ZNF623: variants seen among roughly 807,000 people sequenced by gnomAD.
The protein encoded by ZNF623 is zinc finger protein 623.
Under a neutral mutation model 24.0 loss-of-function variants are expected in ZNF623, and 16 were observed. The observed-to-expected ratio is 0.67, with a 90% CI of 0.45 to 1.01. ZNF623 has a LOEUF of 1.01. Among genes scored for constraint, ZNF623 ranks in the 50% least tolerant of loss-of-function variants. ZNF623 has a pLI of 0.00. For missense variants in ZNF623, 566 were observed against 606.5 expected, an observed-to-expected ratio of 0.93 and a Z score of 0.70; for synonymous variants, 224 against 219.8, an observed-to-expected ratio of 1.02 and a Z score of -0.17.
Position 143,649,932 on chromosome 8 carries a change from T to C in ZNF623, c.-61T>C, listed in dbSNP as rs771876873. ...TAGGAACTGGTGAGAAGAAGGTGAC[T>C]GAAGCCTGGATTTCTGAGGATGAAA... On this transcript the variant is annotated 5_prime_UTR_variant, in exon 2 of 2. Transcript: ENST00000526926. 1 of 1,613,496 alleles carries C rather than the reference T, an allele frequency of 6.2e-7. No homozygotes were observed. The highest frequency in any genetic ancestry group is 1.7e-5 in the Admixed American group (1 of 59,994).
In ZNF623 at chr8:143,650,164, A is replaced by G. The variant is rs137936747; in HGVS notation, c.172A>G (p.Thr58Ala). Residue 58 changes from threonine (T) to alanine (A), a missense_variant, in exon 2 of 2, where the codon ACC (threonine) becomes GCC (alanine). Around this residue, in one of 3 missense-constraint regions of ZNF623, gnomAD observed 313 missense variants for 300.4 expected, o/e 1.04. Transcript: ENST00000526926. The surrounding 1 kb of genome is among the most constrained non-coding windows in gnomAD (Gnocchi z 5.2). The stretch of plus-strand genomic sequence containing the variant: ...GACAGGAGAGACAGCTCAAGTGTGC[A>G]CCAAGTCAGGAAGAAACCATATTCT... ...IQTGETAQVC[T>A]KSGRNHILNS... The G allele has an allele frequency of 1.2e-5, 20 of 1,614,118 alleles. No homozygotes were observed. In the African/African-American group the frequency reaches 2.3e-4, roughly 18 times the overall value.
Position 143,652,130 on chromosome 8 carries a change from T to A in ZNF623, c.*647T>A, listed in dbSNP as rs926020947. ...CTCTTCTCAGCTAATTAACTCTGAA[T>A]CATGGTTCAAGACAAGCCTCAGGCA... On this transcript the variant is annotated 3_prime_UTR_variant, in exon 2 of 2. Transcript: ENST00000526926. 2 of 167,268 alleles carry A rather than the reference T, an allele frequency of 1.2e-5. No individual in the cohort carries two copies. Among genetic ancestry groups the A allele is most frequent in the African/African-American group, 4.8e-5 (2 of 41,458 alleles). The allele number at this position is 167,268 out of a possible 1,614,324, so 10.4% of individuals were successfully genotyped here. A position where few individuals can be genotyped will look rare whatever the true frequency, so the allele number is the denominator to read the frequency against.
In ZNF623 at chr8:143,651,480, A is replaced by G. The variant is rs771189835; in HGVS notation, c.1488A>G (p.Leu496=). The G allele has an allele frequency of 1.7e-5, 27 of 1,551,770 alleles. No homozygotes were observed. The highest frequency in any genetic ancestry group is 2.1e-5 in the Non-Finnish European group (24 of 1,154,906). ...SVDKGEHTGN[L] is the part of the protein sequence containing the mutation. ...ATAAGGGGGAACACACAGGTAACTT[A>G]TAAAATAATTACTTTCCCGCCCAGT... Residue 496 remains leucine (L), a synonymous_variant, in exon 2 of 2, where the codon TTA becomes TTG. Coordinates refer to ENST00000526926, the MANE Select transcript of ZNF623 (RefSeq NM_001261843.2).
intron 1 of ZNF623, 91 bp downstream of exon 1, chr8:143,636,236 C>T (rs533524405): frequency 1.4e-4 from 22 of 152,212 alleles, no homozygotes; most frequent in South Asian, 6.2e-4. Context: ...GGGCACAGTC[C>T]GCCGAGAGGG....
rs558121048 is a variant in ZNF623 at position 143,647,286 on chromosome 8, A to T, written c.-95-2612A>T. On this transcript the variant is annotated intron_variant, in intron 1 of 1. Transcript: ENST00000526926. ...GGCCATTCTCCTGCTTCAGCCTCCC[A>T]AGTAGCTGGGACTACAGGCGCCTGC... Among the ~76,000 whole-genome samples the T allele has an allele frequency of 7.6e-4, 115 of 152,192 alleles. 1 individual carries two copies. Among genetic ancestry groups the T allele is most frequent in the African/African-American group, 2.6e-3 (108 of 41,534 alleles).
chr8:143,652,591 C>T lies in ZNF623; in HGVS notation c.*1108C>T, dbSNP rs1413673027. 1.8e-5 allele frequency: 3 copies of T among 167,100 alleles called. No individual in the cohort carries two copies. The highest frequency in any genetic ancestry group is 4.4e-5 in the Non-Finnish European group (3 of 68,134). 10.4% of individuals were successfully genotyped at this position (167,100 alleles called of 1,614,324 possible). A position where few individuals can be genotyped will look rare whatever the true frequency, so the allele number is the denominator to read the frequency against. On this transcript the variant is annotated 3_prime_UTR_variant, in exon 2 of 2. Transcript: ENST00000526926. ...TGCACATCCACGCCCTCCTGTGTGC[C>T]ACCTTACAGCTCATGCAGAACTGTC...
chr8:143,641,050 G>A (rs1475081819), intron 1 of ZNF623, among the ~76,000 whole-genome samples: 3 of 150,166 alleles, frequency 2.0e-5, no homozygotes, highest in Non-Finnish European at 4.4e-5. Flanking sequence ...TCTAAATCTA[G>A]CTCTCTTGCT....
At chr8:143,636,390 G>C (rs1000451187) in intron 1 of ZNF623, 1 of 152,340 alleles carries the variant, frequency 6.6e-6, no homozygotes, top group African/African-American at 2.4e-5. Flanking sequence ...GCCCGAGCCT[G>C]GGGTCTTGTC....
At position 143,646,569 on chromosome 8, in the gene ZNF623, GCA is replaced by G. The variant is rs1172788678; in HGVS notation, c.-95-3328_-95-3327del. ...TGCGTGTGTGTGTGTGTGTGTGTGT[GCA>G]TGCATGTATATATCACAATTCATTG... is the stretch of plus-strand genomic sequence containing the variant. On this transcript the variant is annotated intron_variant, in intron 1 of 1. Transcript: ENST00000526926. Among the ~76,000 whole-genome samples, 7 of 151,574 alleles carry G rather than the reference GCA, an allele frequency of 4.6e-5. No individual in the cohort carries two copies. The East Asian group carries it at 7.7e-4, about 17-fold the overall frequency.
chr8:143,639,683 T>C (rs892325094), intron 1 of ZNF623, among the ~76,000 whole-genome samples: 1 of 152,196 alleles, frequency 6.6e-6, no homozygotes, highest in Non-Finnish European at 1.5e-5. Flanking sequence ...ATGGGGAGAA[T>C]TGAATCTGAA....
rs912817317 is a variant in ZNF623, at chr8:143,651,820, G to C, written c.*337G>C. On this transcript the variant is annotated 3_prime_UTR_variant, in exon 2 of 2. Coordinates refer to ENST00000526926, the MANE Select transcript of ZNF623 (RefSeq NM_001261843.2). Reference sequence around the variant, plus strand: ...TTAAATCCCTTATTACAGCACAACTGTGTATCTAATCTTACGATTTAGGAG... The same window carrying C: ...TTAAATCCCTTATTACAGCACAACTCTGTATCTAATCTTACGATTTAGGAG... 1.9e-5 allele frequency: 5 copies of C among 265,786 alleles called. No individual in the cohort carries two copies. Among genetic ancestry groups the C allele is most frequent in the African/African-American group, 1.1e-4 (5 of 44,834 alleles). 16.5% of individuals were successfully genotyped at this position (265,786 alleles called of 1,614,324 possible). A position where few individuals can be genotyped will look rare whatever the true frequency, so the allele number is the denominator to read the frequency against.
At chr8:143,643,052 G>A (rs1009066516) in intron 1 of ZNF623, among the ~76,000 whole-genome samples, 1 of 152,206 alleles carries the variant, frequency 6.6e-6, no homozygotes, top group Non-Finnish European at 1.5e-5. Context: ...GGGAAGCAGA[G>A]GTTCCTCCAT....
intron 1 of ZNF623, among the ~76,000 whole-genome samples, chr8:143,646,546 CGTGTGTGTGTGT>C (rs60526625): frequency 1.3e-5 from 2 of 149,354 alleles, no homozygotes; most frequent in Non-Finnish European, 1.5e-5. Context: ...GGGGTGTGTG[CGTGTGTGTGTGT>C]GTGTGTGTGT....
chr8:143,637,981 A>G (rs1254552297), intron 1 of ZNF623, among the ~76,000 whole-genome samples: 1 of 152,222 alleles, frequency 6.6e-6, no homozygotes, highest in African/African-American at 2.4e-5. Flanking sequence ...TTAAATGAAA[A>G]TGTATTGATT....
At chr8:143,640,206 G>A (rs1199487374) in intron 1 of ZNF623, among the ~76,000 whole-genome samples, 5 of 152,210 alleles carry the variant, frequency 3.3e-5, no homozygotes, top group Non-Finnish European at 5.9e-5. Context: ...TATTCAGTAT[G>A]CAATAGCATT....
chr8:143,651,746 A>G lies in ZNF623; in HGVS notation c.*263A>G, dbSNP rs1335174095. The G allele has an allele frequency of 2.3e-6, 1 of 427,160 alleles. No individual in the cohort carries two copies. Among genetic ancestry groups the G allele is most frequent in the East Asian group, 3.7e-5 (1 of 27,052 alleles). The allele number at this position is 427,160 out of a possible 1,614,324, so 26.5% of individuals were successfully genotyped here. On this transcript the variant is annotated 3_prime_UTR_variant, in exon 2 of 2. Coordinates refer to ENST00000526926, the MANE Select transcript of ZNF623 (RefSeq NM_001261843.2). ...GCAGGGAGAAGACAGGTCTCAAGAA[A>G]AGGTTTTTAAGAAGTTTCATCCCCA... is the stretch of plus-strand genomic sequence containing the variant.
At chr8:143,638,594 C>T (rs988237794) in intron 1 of ZNF623, among the ~76,000 whole-genome samples, 1 of 151,190 alleles carries the variant, frequency 6.6e-6, no homozygotes, top group African/African-American at 2.4e-5. Context: ...AAAAATTAGC[C>T]GGGCGTGGTG....
intron 1 of ZNF623, among the ~76,000 whole-genome samples, chr8:143,649,291 C>T (rs76419972): frequency 7.1e-6 from 1 of 140,154 alleles, no homozygotes; most frequent in Non-Finnish European, 1.5e-5. Context: ...AAAAAAAAAA[C>T]AAAAACAAAC....
Position 143,650,581 on chromosome 8 carries a change from T to C in ZNF623, c.589T>C (p.Cys197Arg). ...TCACACCAGAGAGAGACCTTTTGAATGCAAAGAGTGTGGGAAAGGCTTCAG... is the reference window on the plus strand; with the variant it reads ...TCACACCAGAGAGAGACCTTTTGAACGCAAAGAGTGTGGGAAAGGCTTCAG... ...RVHTRERPFE[C>R]KECGKGFSQS... Residue 197 changes from cysteine to arginine, a missense_variant, in exon 2 of 2, where the codon TGC becomes CGC. Coordinates refer to ENST00000526926, the MANE Select transcript of ZNF623 (RefSeq NM_001261843.2). This position sits in a 1 kb window ranked among gnomAD's most constrained non-coding sequence, Gnocchi z 5.2. 6.2e-7 allele frequency: 1 copy of C among 1,614,182 alleles called. No homozygotes were observed. Among genetic ancestry groups the C allele is most frequent in the Non-Finnish European group, 8.5e-7 (1 of 1,180,042 alleles).
Sources: allele counts gnomAD v4.1 joint callset (sites outside exome capture counted in the v4.1 genomes callset), GRCh38; gene constraint gnomAD v4.1.1; regional missense constraint gnomAD v4.1.1; non-coding constraint Gnocchi (gnomAD v3.1); transcripts MANE v1.5; gene names NCBI Gene and HGNC (gene_info 2026-07-23, HGNC 2026-07-21).